Variants in RBSN observed in about 807,000 individuals in gnomAD.
RBSN encodes the protein rabenosyn-5.
RBSN carries 34 observed loss-of-function variants against 60.5 expected under a neutral mutation model. The ratio of observed to expected loss-of-function variants is 0.56; its 90% CI spans 0.43 to 0.75. The LOEUF is 0.75. Among genes scored for constraint, RBSN ranks in the 30% least tolerant of loss-of-function variants. RBSN has a pLI of 0.00. For synonymous variants in RBSN, 322 were observed against 366.9 expected, an observed-to-expected ratio of 0.88 and a Z score of 1.40; for missense variants, 845 against 986.8, an observed-to-expected ratio of 0.86 and a Z score of 1.92.
rs757156425 is a variant in RBSN at position 15,089,456 on chromosome 3, CAAAAAAAAAAA to C, written c.289+932_289+942del. ...GGGTGACACAGTGAGACTCCATCTC[CAAAAAAAAAAA>C]AAAAAAAAAACAAAAAAAAAAAACA... On this transcript the variant is annotated intron_variant, in intron 5 of 13. Transcript: ENST00000253699. Among the ~76,000 whole-genome samples the C allele has an allele frequency of 1.9e-4, 6 of 31,448 alleles. No homozygotes were observed. In the East Asian group the frequency reaches 5.1e-3, roughly 26 times the overall value. 20.6% of individuals were successfully genotyped at this position (31,448 alleles called of 152,430 possible).
Position 15,095,957 on chromosome 3 carries a change from G to A in RBSN, c.148+16C>T, listed in dbSNP as rs1386158915. The stretch of plus-strand genomic sequence containing the variant: ...CTCAACGACAGCAGGGGATAGGCAA[G>A]GTCCTCGCCTCTTACTTTTAATTTG... On this transcript the variant is annotated intron_variant, in intron 4 of 13. Coordinates refer to ENST00000253699, the MANE Select transcript of RBSN (RefSeq NM_022340.4). 1 of 1,614,194 alleles carries A rather than the reference G, an allele frequency of 6.2e-7. No individual in the cohort carries two copies. Among genetic ancestry groups the A allele is most frequent in the Non-Finnish European group, 8.5e-7 (1 of 1,180,020 alleles).
chr3:15,081,045 G>T, intron 9 of RBSN: 1 of 474,088 alleles, frequency 2.1e-6, no homozygotes, highest in South Asian at 2.6e-5. Context: ...AAGGAATTTT[G>T]TTCTGTCACC....
rs2043074285 is a variant in RBSN at position 15,077,146 on chromosome 3, C to A, written c.1017G>T (p.Leu339Phe). Residue 339 changes from leucine to phenylalanine, a missense_variant, in exon 12 of 14, where the codon TTG (leucine) becomes TTT (phenylalanine). Leu to Phe is a conservative substitution (Grantham distance 22). Coordinates refer to ENST00000253699, the MANE Select transcript of RBSN (RefSeq NM_022340.4). This position sits in a 1 kb window ranked among gnomAD's most constrained non-coding sequence, Gnocchi z 4.4. ...GTGGTGGAGGGTCCTGGTTCAAGCC[C>A]AAGGTTAAGATCTTCTTACTGAATT... ...IDALSKKILT[L>F]GLNQDPPPHP... 1.2e-6 allele frequency: 2 copies of A among 1,613,954 alleles called. No individual in the cohort carries two copies. The highest frequency in any genetic ancestry group is 2.2e-5 in the East Asian group (1 of 44,880).
chr3:15,094,166 C>A (rs1354797949), intron 4 of RBSN, among the ~76,000 whole-genome samples: 1 of 152,154 alleles, frequency 6.6e-6, no homozygotes, highest in Non-Finnish European at 1.5e-5. Flanking sequence ...ACCTCTCTAC[C>A]CACTGGTATC....
At position 15,073,528 on chromosome 3, in the gene RBSN, C is replaced by G. The variant is rs1324182333; in HGVS notation, c.*254G>C. ...TTCAAAAGGGGTAAACCTCCGATTA[C>G]AAAAGATAGTAATAATAAACAGGAA... On this transcript the variant is annotated 3_prime_UTR_variant, in exon 14 of 14. Coordinates refer to ENST00000253699, the MANE Select transcript of RBSN (RefSeq NM_022340.4). The G allele has an allele frequency of 6.6e-6, 3 of 455,614 alleles. No homozygotes were observed. The highest frequency in any genetic ancestry group is 1.2e-5 in the Non-Finnish European group (3 of 257,624). 28.2% of individuals were successfully genotyped at this position (455,614 alleles called of 1,614,324 possible). A position where few individuals can be genotyped will look rare whatever the true frequency, so the allele number is the denominator to read the frequency against.
Position 15,096,015 on chromosome 3 carries a change from C to A in RBSN, c.106G>T (p.Glu36Ter). The A allele has an allele frequency of 6.2e-7, 1 of 1,614,194 alleles. No homozygotes were observed. The highest frequency in any genetic ancestry group is 8.5e-7 in the Non-Finnish European group (1 of 1,180,026). ...ACATCACGGTCTTCCCCTGAGTGTT[C>A]TTCCTCGTAATGTGAGTGAAGCTGA... ...FYQLHSHYEE[E>*]HSGEDRDVKG... The change falls in exon 4 of 14, where the codon GAA becomes TAA. Residue 36 changes from glutamate to a stop codon, truncating the protein, a stop_gained. Transcript: ENST00000253699. LOFTEE classifies it high-confidence loss of function.
rs772783437 is a variant in RBSN at position 15,090,533 on chromosome 3, A to G, written c.155T>C (p.Val52Ala). Residue 52 changes from valine (V) to alanine (A), a missense_variant, in exon 5 of 14, where the codon GTC becomes GCC. Physicochemically the swap from Val to Ala is moderately conservative, Grantham distance 64 (BLOSUM62 0). Coordinates refer to ENST00000253699, the MANE Select transcript of RBSN (RefSeq NM_022340.4). Reference protein sequence around the residue: ...RDVKGQIKSLVQKAKKAKDRL... With the variant: ...RDVKGQIKSLAQKAKKAKDRL... The stretch of plus-strand genomic sequence containing the variant: ...GTCCTTTGCTTTTTTAGCCTTCTGG[A>G]CAAGACCTTGAAAAATGGAACAAAT... 28 of 1,613,546 alleles carry G rather than the reference A, an allele frequency of 1.7e-5. No homozygotes were observed. In the Admixed American group the frequency reaches 4.5e-4, roughly 26 times the overall value.
chr3:15,097,200 C>T (rs2043683448), intron 2 of RBSN, among the ~76,000 whole-genome samples: 1 of 152,122 alleles, frequency 6.6e-6, no homozygotes, highest in Admixed American at 6.6e-5. Context: ...AGTAGCAAAC[C>T]TGATGTTCTC....
At position 15,074,595 on chromosome 3, in the gene RBSN, C is replaced by T. The variant is rs771280552; in HGVS notation, c.1542G>A (p.Glu514=). The part of the protein sequence containing the change: ...AIELSRRQAE[E]EDLQREQLQM... ...GCAGCTGTTCCCGCTGCAGGTCCTCCTCCTCAGCCTGCCTCCGGGACAGCT... is the reference window on the plus strand; with the variant it reads ...GCAGCTGTTCCCGCTGCAGGTCCTCTTCCTCAGCCTGCCTCCGGGACAGCT... The change falls in exon 14 of 14, where the codon GAG becomes GAA. Residue 514 remains glutamate, a synonymous_variant. Coordinates refer to ENST00000253699, the MANE Select transcript of RBSN (RefSeq NM_022340.4). This position sits in a 1 kb window ranked among gnomAD's most constrained non-coding sequence, Gnocchi z 6.4. 8.1e-6 allele frequency: 13 copies of T among 1,614,146 alleles called. No individual in the cohort carries two copies. In the African/African-American group the frequency reaches 1.5e-4, roughly 18 times the overall value.
Position 15,077,144 on chromosome 3 carries a change from C to T in RBSN, c.1019G>A (p.Gly340Asp), listed in dbSNP as rs993551614. The T allele has an allele frequency of 1.2e-6, 2 of 1,613,810 alleles. No homozygotes were observed. The highest frequency in any genetic ancestry group is 2.7e-5 in the African/African-American group (2 of 74,884). ...DALSKKILTL[G>D]LNQDPPPHPS... ...ATGTGGTGGAGGGTCCTGGTTCAAGCCCAAGGTTAAGATCTTCTTACTGAA... is the reference window on the plus strand; with the variant it reads ...ATGTGGTGGAGGGTCCTGGTTCAAGTCCAAGGTTAAGATCTTCTTACTGAA... The change falls in exon 12 of 14, where the codon GGC (glycine) becomes GAC (aspartate). Residue 340 changes from glycine (G) to aspartate (D), a missense_variant. Coordinates refer to ENST00000253699, the MANE Select transcript of RBSN (RefSeq NM_022340.4). The surrounding 1 kb of genome is among the most constrained non-coding windows in gnomAD (Gnocchi z 4.4).
intron 5 of RBSN, 94 bp from the exon 6 acceptor site, chr3:15,086,055 G>T: frequency 1.3e-6 from 1 of 752,936 alleles, no homozygotes. Context: ...AATTTCAAAA[G>T]CAGGTTGGTC....
In RBSN at chr3:15,070,106, C is replaced by G. The variant is rs1311587040; in HGVS notation, c.*3676G>C. On this transcript the variant is annotated 3_prime_UTR_variant, in exon 14 of 14. Transcript: ENST00000253699. ...CAGATTTTATTTTTTTTAAAAAAGG[C>G]TCCAATACAAGGCCCCAGAGTAGTG... 1 of 152,548 alleles carries G rather than the reference C, an allele frequency of 6.6e-6. No individual in the cohort carries two copies. The allele number at this position is 152,548 out of a possible 1,614,324, so 9.4% of individuals were successfully genotyped here.
At chr3:15,088,314 A>G (rs2043401754) in intron 5 of RBSN, among the ~76,000 whole-genome samples, 1 of 152,144 alleles carries the variant, frequency 6.6e-6, no homozygotes, top group African/African-American at 2.4e-5. Flanking sequence ...CATGTGTCCA[A>G]AATTTCTCCT....
At chr3:15,075,094 T>A in intron 13 of RBSN, 164 bp from the exon 14 acceptor site, 1 of 845,660 alleles carries the variant, frequency 1.2e-6, no homozygotes, top group Non-Finnish European at 1.8e-6. Context: ...TGTTTTTGTG[T>A]ATATGTGGGC....
rs2043297255 is a variant in RBSN at position 15,084,843 on chromosome 3, G to C, written c.490C>G (p.Pro164Ala). 1 of 1,614,076 alleles carries C rather than the reference G, an allele frequency of 6.2e-7. No individual in the cohort carries two copies. The highest frequency in any genetic ancestry group is 1.1e-5 in the South Asian group (1 of 91,084). ...ATGCTGAACTTATTCCCACAGTCTG[G>C]ACAGAAAGGGACATCCTGGTCGTTG... ...WVNDQDVPFC[P>A]DCGNKFSIRN... Residue 164 changes from proline to alanine, a missense_variant, in exon 8 of 14, where the codon CCA becomes GCA. Physicochemically the swap from Pro to Ala is conservative, Grantham distance 27 (BLOSUM62 -1). Coordinates refer to ENST00000253699, the MANE Select transcript of RBSN (RefSeq NM_022340.4). This position sits in a 1 kb window ranked among gnomAD's most constrained non-coding sequence, Gnocchi z 4.2.
At position 15,074,502 on chromosome 3, in the gene RBSN, C is replaced by T. The variant is rs539305222; in HGVS notation, c.1635G>A (p.Arg545=). The T allele has an allele frequency of 2.5e-6, 4 of 1,614,200 alleles. No individual in the cohort carries two copies. The highest frequency in any genetic ancestry group is 2.2e-5 in the South Asian group (2 of 91,086). ...EQFRVASLHT[R]TRSLDFREIG... ...TTTCTCTGAAGTCCAGGGACCGAGT[C>T]CGTGTGTGCAGGGATGCCACCCGAA... The change falls in exon 14 of 14, where the codon CGG becomes CGA. Residue 545 remains arginine (R), a synonymous_variant. Coordinates refer to ENST00000253699, the MANE Select transcript of RBSN (RefSeq NM_022340.4). This position sits in a 1 kb window ranked among gnomAD's most constrained non-coding sequence, Gnocchi z 6.4.
At chr3:15,089,164 T>C (rs1016839895) in intron 5 of RBSN, among the ~76,000 whole-genome samples, 2 of 152,136 alleles carry the variant, frequency 1.3e-5, no homozygotes, top group African/African-American at 4.8e-5. Flanking sequence ...CTGTTATCAT[T>C]AGACGGTTAA....
intron 10 of RBSN, 41 bp downstream of exon 10, chr3:15,080,691 C>G: frequency 6.3e-7 from 1 of 1,581,446 alleles, no homozygotes. Flanking sequence ...TGCCAGAAAA[C>G]AGTCACCACT....
At chr3:15,094,432 G>T (rs1373353252) in intron 4 of RBSN, among the ~76,000 whole-genome samples, 2 of 152,220 alleles carry the variant, frequency 1.3e-5, no homozygotes, top group Non-Finnish European at 2.9e-5. Context: ...CTACGTTCCA[G>T]GCCTAGCTCT....
Sources: allele counts gnomAD v4.1 joint callset (sites outside exome capture counted in the v4.1 genomes callset), GRCh38; gene constraint gnomAD v4.1.1; non-coding constraint Gnocchi (gnomAD v3.1); transcripts MANE v1.5; gene names NCBI Gene and HGNC (gene_info 2026-07-23, HGNC 2026-07-21).